Variants in SEMA3A observed in about 807,000 individuals in gnomAD.
SEMA3A encodes the protein semaphorin 3A, also known as semaphorin-3A.
Under a neutral mutation model 97.9 loss-of-function variants are expected in SEMA3A, and 29 were observed. The ratio of observed to expected loss-of-function variants is 0.30; its 90% CI spans 0.22 to 0.40. SEMA3A has a LOEUF of 0.40. Ranked by LOEUF, SEMA3A falls within the 10% of genes least tolerant of loss-of-function variation. The probability of loss-of-function intolerance (pLI) is 1.00; values close to 1 mark genes in which losing one functional copy is unlikely to be tolerated. For missense variants in SEMA3A, 763 were observed against 951.3 expected (o/e 0.80, Z 2.60); for synonymous variants, 321 against 323.7 (o/e 0.99, Z 0.09).
intron 2 of SEMA3A, among the ~76,000 whole-genome samples, chr7:84,344,592 G>A (rs1371577168): frequency 1.3e-5 from 2 of 152,118 alleles, no homozygotes; most frequent in African/African-American, 4.8e-5. Context: ...TTAGAGTCAC[G>A]GAAAAGAGAG....
intron 2 of SEMA3A, among the ~76,000 whole-genome samples, chr7:84,359,182 A>G (rs369791052): frequency 0.027 from 4,096 of 152,192 alleles, 167 homozygotes; most frequent in African/African-American, 0.094. Flanking sequence ...TATGTTGAAT[A>G]GGAGTGGTGA....
At chr7:84,286,273 T>A (rs1800586231) in intron 3 of SEMA3A, among the ~76,000 whole-genome samples, 1 of 152,172 alleles carries the variant, frequency 6.6e-6, no homozygotes, top group Admixed American at 6.6e-5. Context: ...ATTATTTCAT[T>A]CACATATTGA....
chr7:84,430,819 G>GTGTGTGTGTGTGTGTA (rs149621698), intron 1 of SEMA3A, among the ~76,000 whole-genome samples: 24 of 148,474 alleles, frequency 1.6e-4, no homozygotes, highest in African/African-American at 5.7e-4. Context: ...GTGTGTGTGT[G>GTGTGTGTGTGTGTGTA]TGTATTTAGA....
At chr7:84,292,195 T>C (rs1436163961) in intron 3 of SEMA3A, among the ~76,000 whole-genome samples, 2 of 152,084 alleles carry the variant, frequency 1.3e-5, no homozygotes, top group Non-Finnish European at 2.9e-5. Flanking sequence ...AAAACTCCTC[T>C]TGCCATTCTT....
chr7:84,356,768 T>A (rs188733804), intron 2 of SEMA3A, among the ~76,000 whole-genome samples: 1 of 151,942 alleles, frequency 6.6e-6, no homozygotes, highest in East Asian at 1.9e-4. Context: ...TGTTCTCTAT[T>A]TAAGTAAATA....
chr7:84,380,912 C>T (rs545086988), intron 1 of SEMA3A, among the ~76,000 whole-genome samples: 166 of 152,312 alleles, frequency 1.1e-3, no homozygotes, highest in African/African-American at 3.8e-3. Flanking sequence ...GGAACTCATG[C>T]AATTAGACAG....
intron 3 of SEMA3A, among the ~76,000 whole-genome samples, chr7:84,261,096 G>C (rs548615125): frequency 7.3e-4 from 111 of 152,178 alleles, no homozygotes; most frequent in African/African-American, 2.6e-3. Context: ...ACCCAATCTG[G>C]GTCTCTTCAA....
At position 84,008,246 on chromosome 7, in the gene SEMA3A, C is replaced by T. The variant is rs569891646; in HGVS notation, c.996-749G>A. On this transcript the variant is annotated intron_variant, in intron 9 of 16. Coordinates refer to ENST00000265362, the MANE Select transcript of SEMA3A (RefSeq NM_006080.3). ...GTGGCTCAAGCCTGTAATACCGGCA[C>T]TTTGGGAGGCCAAGGCGGGCGGATC... 1.9e-3 allele frequency among the ~76,000 whole-genome samples: 290 copies of T among 152,288 alleles called. 2 individuals are homozygous for T. Among genetic ancestry groups the T allele is most frequent in the African/African-American group, 6.7e-3 (277 of 41,560 alleles).
At chr7:84,111,864 G>A (rs1795284092) in intron 3 of SEMA3A, among the ~76,000 whole-genome samples, 1 of 152,088 alleles carries the variant, frequency 6.6e-6, no homozygotes, top group South Asian at 2.1e-4. Context: ...TAGCTTAAAA[G>A]GTATGTGGAT....
intron 1 of SEMA3A, among the ~76,000 whole-genome samples, chr7:84,414,325 T>G (rs1228952): frequency 0.18 from 26,758 of 151,492 alleles, 2,514 homozygotes; most frequent in Middle Eastern, 0.23. Context: ...AAAATTTGGT[T>G]GTGTAAACAT....
At chr7:84,446,468 C>A (rs940393321) in intron 1 of SEMA3A, among the ~76,000 whole-genome samples, 1 of 152,032 alleles carries the variant, frequency 6.6e-6, no homozygotes, top group Admixed American at 6.6e-5. Flanking sequence ...AAGGATTATA[C>A]ACCACAACTA....
chr7:84,398,457 C>T (rs956284351), intron 1 of SEMA3A, among the ~76,000 whole-genome samples: 7 of 151,986 alleles, frequency 4.6e-5, no homozygotes, highest in Admixed American at 2.6e-4. Context: ...ACCCTCCTTT[C>T]GCAGTTCCTG....
chr7:84,277,162 T>C (rs998390876), intron 3 of SEMA3A, among the ~76,000 whole-genome samples: 14 of 152,168 alleles, frequency 9.2e-5, no homozygotes, highest in African/African-American at 3.1e-4. Flanking sequence ...AAGTCTTTTT[T>C]GAAAATCAGC....
intron 3 of SEMA3A, among the ~76,000 whole-genome samples, chr7:84,240,149 A>G (rs1382125399): frequency 6.6e-6 from 1 of 152,192 alleles, no homozygotes; most frequent in African/African-American, 2.4e-5. Flanking sequence ...TAGTATATTC[A>G]AATGGAGAGT....
At chr7:84,464,461 A>G (rs374021672) in intron 1 of SEMA3A, among the ~76,000 whole-genome samples, 1 of 152,192 alleles carries the variant, frequency 6.6e-6, no homozygotes, top group Non-Finnish European at 1.5e-5. Context: ...AACAGAACCA[A>G]TACAACGACC....
Position 83,966,718 on chromosome 7 carries a change from T to C in SEMA3A, c.1718-3371A>G, listed in dbSNP as rs112477191. ...AATTATTAAAAGTAAATTTTTTTTCTTTTTTTTTTTGAGACGGAGTTTCCC... is the reference window on the plus strand; with the variant it reads ...AATTATTAAAAGTAAATTTTTTTTCCTTTTTTTTTTGAGACGGAGTTTCCC... On this transcript the variant is annotated intron_variant, in intron 15 of 16. Coordinates refer to ENST00000265362, the MANE Select transcript of SEMA3A (RefSeq NM_006080.3). 1.7e-3 allele frequency among the ~76,000 whole-genome samples: 12 copies of C among 7,000 alleles called. 1 individual carries two copies. The East Asian group carries it at 0.5, about 292-fold the overall frequency. 4.6% of individuals were successfully genotyped at this position (7,000 alleles called of 152,430 possible).
intron 1 of SEMA3A, among the ~76,000 whole-genome samples, chr7:84,387,006 A>C (rs879862553): frequency 2.6e-5 from 3 of 115,650 alleles, no homozygotes; most frequent in Non-Finnish European, 5.1e-5. Flanking sequence ...TCTCAAAAAA[A>C]GAAAATAATA....
At chr7:84,335,884 T>A (rs534719284) in intron 2 of SEMA3A, among the ~76,000 whole-genome samples, 1 of 152,158 alleles carries the variant, frequency 6.6e-6, no homozygotes, top group Non-Finnish European at 1.5e-5. Context: ...ATTAAATTAT[T>A]ATTTCAGTGT....
chr7:84,061,327 T>A (rs1314675009), intron 4 of SEMA3A, among the ~76,000 whole-genome samples: 1 of 152,194 alleles, frequency 6.6e-6, no homozygotes, highest in Non-Finnish European at 1.5e-5. Context: ...GTAGAATATG[T>A]GCAGGAAAGC....
Sources: allele counts gnomAD v4.1 joint callset (sites outside exome capture counted in the v4.1 genomes callset), GRCh38; gene constraint gnomAD v4.1.1; transcripts MANE v1.5; gene names NCBI Gene and HGNC (gene_info 2026-07-23, HGNC 2026-07-21).